Variants in CABIN1 observed in about 807,000 individuals in gnomAD.
CABIN1 encodes calcineurin binding protein 1.
In CABIN1, 133 loss-of-function variants were observed where a neutral mutation model predicts 227.7. That is an observed-to-expected ratio of 0.58 (90% CI 0.51 to 0.67). The LOEUF is 0.67. Among genes scored for constraint, CABIN1 ranks in the 30% least tolerant of loss-of-function variants. The pLI is 0.00. For missense variants in CABIN1, 2,408 were observed against 2,852.5 expected (o/e 0.84, Z 3.55); for synonymous variants, 1,086 against 1,155.1 (o/e 0.94, Z 1.21).
rs1012560095 is a variant in CABIN1, at chr22:24,178,100, C to G, written c.6567C>G (p.Ser2189Arg). ...AQSAANVRKE[S>R]LCQPALEVLE... ...CTGCTGCCAACGTGAGGAAGGAGAG[C>G]CTATGCCAGCCAGCCCTGGAGGTCC... The change falls in exon 37 of 37, where the codon AGC becomes AGG. Residue 2189 changes from serine to arginine, a missense_variant. By Grantham distance (110) the Ser-to-Arg change is moderately radical (BLOSUM62 -1). Around this residue, in one of 3 missense-constraint regions of CABIN1, gnomAD observed 714 missense variants for 773.8 expected, o/e 0.92. Transcript: ENST00000263119. 6.2e-7 allele frequency: 1 copy of G among 1,613,708 alleles called. No individual in the cohort carries two copies. Among genetic ancestry groups the G allele is most frequent in the Admixed American group, 1.7e-5 (1 of 60,012 alleles).
chr22:24,129,809 C>T (rs2043962997), intron 28 of CABIN1, among the ~76,000 whole-genome samples: 1 of 152,100 alleles, frequency 6.6e-6, no homozygotes, highest in Non-Finnish European at 1.5e-5. Flanking sequence ...CTCCAGGGAC[C>T]AAGGTGGGAA....
intron 27 of CABIN1, among the ~76,000 whole-genome samples, chr22:24,118,514 T>G (rs1401031454): frequency 6.6e-6 from 1 of 152,138 alleles, no homozygotes; most frequent in Non-Finnish European, 1.5e-5. Flanking sequence ...ACCTCAGAGC[T>G]GGTGCTGCTG....
Position 24,171,879 on chromosome 22 carries a change from C to G in CABIN1, c.5924C>G (p.Thr1975Ser). The change falls in exon 34 of 37, where the codon ACT (threonine) becomes AGT (serine). Residue 1975 changes from threonine to serine, a missense_variant. Transcript: ENST00000263119. ...KPRPALAAAT[T>S]IITCPPSASA... ...CGCCCTGCACTAGCTGCCGCCACAA[C>G]TATTATCACCTGCCCTCCGTCAGCA... 1 of 1,614,144 alleles carries G rather than the reference C, an allele frequency of 6.2e-7. No homozygotes were observed. Among genetic ancestry groups the G allele is most frequent in the Non-Finnish European group, 8.5e-7 (1 of 1,180,046 alleles).
chr22:24,164,285 G>C, intron 29 of CABIN1, 115 bp from the exon 30 acceptor site: 3 of 1,305,778 alleles, frequency 2.3e-6, no homozygotes, highest in Non-Finnish European at 3.3e-6. Flanking sequence ...GAAGCCCCTG[G>C]CTGGGCAGTG....
intron 16 of CABIN1, 122 bp downstream of exon 16, chr22:24,067,303 A>C: frequency 2.0e-6 from 2 of 1,001,370 alleles, no homozygotes; most frequent in Non-Finnish European, 3.1e-6. Flanking sequence ...GTGGATGTCA[A>C]AACCACTAAG....
chr22:24,061,875 C>T, intron 12 of CABIN1, 72 bp from the exon 13 acceptor site: 1 of 1,082,446 alleles, frequency 9.2e-7, no homozygotes, highest in Non-Finnish European at 1.4e-6. Context: ...TTTCCTTCCA[C>T]AGCCCCCTAC....
At chr22:24,090,055 G>A (rs937088254) in intron 23 of CABIN1, among the ~76,000 whole-genome samples, 2 of 152,198 alleles carry the variant, frequency 1.3e-5, no homozygotes, top group African/African-American at 2.4e-5. Flanking sequence ...GTCTAGTAGA[G>A]CTTCTGAAAC....
At chr22:24,094,803 G>A (rs71318949) in intron 24 of CABIN1, among the ~76,000 whole-genome samples, 1 of 128,998 alleles carries the variant, frequency 7.8e-6, no homozygotes, top group African/African-American at 2.9e-5. Context: ...CGGCCTGGGC[G>A]ACAGAGCGAG....
At chr22:24,176,383 G>C in intron 35 of CABIN1, 108 bp downstream of exon 35, 1 of 1,276,942 alleles carries the variant, frequency 7.8e-7, no homozygotes, top group Non-Finnish European at 1.1e-6. Context: ...GCCTGGGGAT[G>C]CCCCATGGAA....
Position 24,117,526 on chromosome 22 carries a change from G to T in CABIN1, c.4301-1841G>T, listed in dbSNP as rs535114816. On this transcript the variant is annotated intron_variant, in intron 27 of 36. Transcript: ENST00000263119. ...AAAACTGGGTTCTTGTTTCTCAGGG[G>T]TTTTTTTGTTTGTTTTTTTGGGGGG... Among the ~76,000 whole-genome samples the T allele has an allele frequency of 2.1e-4, 30 of 145,724 alleles. No individual in the cohort carries two copies. In the East Asian group the frequency reaches 5.8e-3, roughly 28 times the overall value.
At chr22:24,100,723 A>G (rs1478628633) in intron 26 of CABIN1, among the ~76,000 whole-genome samples, 1 of 152,198 alleles carries the variant, frequency 6.6e-6, no homozygotes, top group Non-Finnish European at 1.5e-5. Context: ...CAGGGAGGCA[A>G]GTGCACAGCA....
intron 24 of CABIN1, among the ~76,000 whole-genome samples, chr22:24,093,034 C>T (rs1243057408): frequency 1.3e-5 from 2 of 152,136 alleles, no homozygotes; most frequent in South Asian, 2.1e-4. Context: ...CTTGCTATGA[C>T]AAGGCACAGG....
At chr22:24,093,259 G>C (rs1019471996) in intron 24 of CABIN1, among the ~76,000 whole-genome samples, 5 of 152,206 alleles carry the variant, frequency 3.3e-5, no homozygotes, top group African/African-American at 1.2e-4. Flanking sequence ...AAACAAAAAT[G>C]TCTCATTTTG....
chr22:24,076,066 T>C (rs1247952366), intron 18 of CABIN1, 103 bp from the exon 19 acceptor site: 17 of 757,940 alleles, frequency 2.2e-5, no homozygotes, highest in Non-Finnish European at 6.9e-6. Context: ...GTCATGTTGA[T>C]AAAGACAGAA....
At position 24,038,421 on chromosome 22, in the gene CABIN1, A is replaced by G; in HGVS notation, c.170A>G (p.Lys57Arg). The G allele has an allele frequency of 6.2e-7, 1 of 1,614,120 alleles. No homozygotes were observed. The highest frequency in any genetic ancestry group is 1.1e-5 in the South Asian group (1 of 91,084). ...QKHDRFEESAKAYHELLEASL... is the reference protein window; with the variant it reads ...QKHDRFEESARAYHELLEASL... ...CATGACCGGTTTGAGGAGTCTGCCAAAGCCTACCATGAGCTCTTGGAGGCG... is the reference window on the plus strand; with the variant it reads ...CATGACCGGTTTGAGGAGTCTGCCAGAGCCTACCATGAGCTCTTGGAGGCG... Residue 57 changes from lysine (K) to arginine (R), a missense_variant, in exon 4 of 37, where the codon AAA (lysine) becomes AGA (arginine). By Grantham distance (26) the Lys-to-Arg change is conservative (BLOSUM62 2). This residue lies in a region of CABIN1 where 1,045 missense variants were observed against 1,168.4 expected (regional missense o/e 0.89). Coordinates refer to ENST00000263119, the MANE Select transcript of CABIN1 (RefSeq NM_012295.4).
In CABIN1 at chr22:24,136,739, GCACACACACACACACACA is replaced by G. The variant is rs200091743; in HGVS notation, c.4746+2335_4746+2352del. Among the ~76,000 whole-genome samples the G allele has an allele frequency of 3.0e-3, 426 of 139,720 alleles. 1 individual carries two copies. Among genetic ancestry groups the G allele is most frequent in the African/African-American group, 0.011 (404 of 38,270 alleles). The allele number at this position is 139,720 out of a possible 152,430, so 91.7% of individuals were successfully genotyped here. A position where few individuals can be genotyped will look rare whatever the true frequency, so the allele number is the denominator to read the frequency against. On this transcript the variant is annotated intron_variant, in intron 29 of 36. Coordinates refer to ENST00000263119, the MANE Select transcript of CABIN1 (RefSeq NM_012295.4). Reference sequence around the variant, plus strand: ...CAAACAATACATCACACACACACACGCACACACACACACACACACACACACACAGAAAGGCTCAGTGCT... The same window carrying G: ...CAAACAATACATCACACACACACACGCACACACACAGAAAGGCTCAGTGCT...
intron 26 of CABIN1, among the ~76,000 whole-genome samples, chr22:24,106,374 G>T (rs1263501160): frequency 6.6e-6 from 1 of 152,196 alleles, no homozygotes; most frequent in Non-Finnish European, 1.5e-5. Context: ...TTTTCCTCCT[G>T]CCCCTCTTCA....
At chr22:24,086,727 T>G (rs1010146077) in intron 22 of CABIN1, among the ~76,000 whole-genome samples, 3 of 152,250 alleles carry the variant, frequency 2.0e-5, no homozygotes, top group Non-Finnish European at 4.4e-5. Context: ...TTAGTCTTGG[T>G]GTCTCTGTGG....
At chr22:24,168,291 G>A (rs934713954) in intron 32 of CABIN1, 156 bp from the exon 33 acceptor site, 6 of 177,556 alleles carry the variant, frequency 3.4e-5, no homozygotes, top group Admixed American at 6.5e-5. Flanking sequence ...CAGTGGGGAC[G>A]GCTGGCTATT....
Sources: gnomAD v4.1 joint callset for allele counts (sites outside exome capture counted in the v4.1 genomes callset) on GRCh38, gnomAD v4.1.1 for gene constraint, gnomAD v4.1.1 regional missense constraint, MANE v1.5 for transcripts, NCBI Gene and HGNC (gene_info 2026-07-23, HGNC 2026-07-21) for gene names.